Variants in ABCA6 observed in about 807,000 individuals in gnomAD.
ABCA6 encodes the protein ATP binding cassette subfamily A member 6, also known as ATP-binding cassette sub-family A member 6.
ABCA6 carries 164 observed loss-of-function variants against 191.2 expected under a neutral mutation model. The ratio of observed to expected loss-of-function variants is 0.86; its 90% CI spans 0.76 to 0.98. ABCA6 has a LOEUF of 0.98. ABCA6 is among the 50% of genes least tolerant of loss of function. The pLI is 0.00. For missense variants in ABCA6, 1,958 were observed against 1,894.1 expected, an observed-to-expected ratio of 1.03 and a Z score of -0.63; for synonymous variants, 636 against 647.7, an observed-to-expected ratio of 0.98 and a Z score of 0.27.
chr17:69,089,688 C>T, intron 26 of ABCA6, 146 bp from the exon 27 acceptor site: 2 of 637,606 alleles, frequency 3.1e-6, no homozygotes, highest in Non-Finnish European at 2.6e-6. Context: ...AGTAATTCCC[C>T]ACAGAAAAGA....
Position 69,082,010 on chromosome 17 carries a change from G to A in ABCA6, c.4616+863C>T, listed in dbSNP as rs192360290. 2.8e-3 allele frequency among the ~76,000 whole-genome samples: 423 copies of A among 152,234 alleles called. 2 individuals carry two copies. Among genetic ancestry groups the A allele is most frequent in the African/African-American group, 9.9e-3 (412 of 41,502 alleles). ...CCCAAACAGGGGTTTGGTGCTCCCA[G>A]GTGGCACTAAGGTTGACCAGATGTC... On this transcript the variant is annotated intron_variant, in intron 36 of 38. Transcript: ENST00000284425.
rs541269687 is a variant in ABCA6 at position 69,099,390 on chromosome 17, T to C, written c.3013-1363A>G. Among the ~76,000 whole-genome samples the C allele has an allele frequency of 3.9e-5, 6 of 152,216 alleles. No individual in the cohort carries two copies. In the South Asian group the frequency reaches 1.2e-3, roughly 32 times the overall value. On this transcript the variant is annotated intron_variant, in intron 22 of 38. Transcript: ENST00000284425. ...GTGGGAGTGGGGAACAGGTTTCTAA[T>C]AGAGTAGCTATGGGCTTCAGTCCAT...
intron 6 of ABCA6, among the ~76,000 whole-genome samples, chr17:69,132,230 T>C (rs1194128408): frequency 6.6e-6 from 1 of 151,876 alleles, no homozygotes; most frequent in African/African-American, 2.4e-5. Flanking sequence ...CCATAAAGAG[T>C]ATTTGCTTGA....
intron 22 of ABCA6, chr17:69,098,457 C>T (rs1328103143): frequency 1.3e-5 from 2 of 152,870 alleles, no homozygotes; most frequent in African/African-American, 4.8e-5. Context: ...GAAACCCCAT[C>T]TCTACTAAAA....
At chr17:69,098,053 C>G in intron 22 of ABCA6, 26 bp from the exon 23 acceptor site, 1 of 1,480,100 alleles carries the variant, frequency 6.8e-7, no homozygotes, top group Non-Finnish European at 9.2e-7. Context: ...GTAGCTTAAA[C>G]TAGTGAATAT....
At chr17:69,111,181 A>G (rs991114592) in intron 16 of ABCA6, 1 of 321,808 alleles carries the variant, frequency 3.1e-6, no homozygotes, top group Non-Finnish European at 5.6e-6. Flanking sequence ...TGTAAATGGA[A>G]CTATATAGAG....
At chr17:69,111,060 G>T in intron 16 of ABCA6, 120 bp from the exon 17 acceptor site, 1 of 908,210 alleles carries the variant, frequency 1.1e-6, no homozygotes, top group Non-Finnish European at 1.6e-6. Flanking sequence ...GGAACAAAAA[G>T]ATGAGTAAAT....
intron 25 of ABCA6, among the ~76,000 whole-genome samples, chr17:69,093,888 T>C (rs2072988904): frequency 6.6e-6 from 1 of 152,228 alleles, no homozygotes; most frequent in African/African-American, 2.4e-5. Flanking sequence ...ATTACAAATA[T>C]ATAAATACAT....
intron 23 of ABCA6, among the ~76,000 whole-genome samples, chr17:69,097,210 G>C (rs1386654783): frequency 4.6e-5 from 7 of 152,112 alleles, no homozygotes; most frequent in Non-Finnish European, 1.0e-4. Flanking sequence ...GGCTAACATG[G>C]TGAAAGCCCA....
chr17:69,115,241 G>C, intron 12 of ABCA6, 135 bp downstream of exon 12: 1 of 598,552 alleles, frequency 1.7e-6, no homozygotes, highest in Non-Finnish European at 2.7e-6. Context: ...TCAAAATTAT[G>C]TAGCTCTTGG....
At chr17:69,130,058 G>A (rs1598058086) in intron 6 of ABCA6, among the ~76,000 whole-genome samples, 1 of 152,094 alleles carries the variant, frequency 6.6e-6, no homozygotes, top group Non-Finnish European at 1.5e-5. Context: ...GCTCATGCCT[G>A]TAATTTCAGC....
At chr17:69,113,496 T>C (rs772672949) in intron 14 of ABCA6, 122 bp downstream of exon 14, 156 of 1,541,488 alleles carry the variant, frequency 1.0e-4, no homozygotes, top group Non-Finnish European at 1.2e-4. Flanking sequence ...TATTTATAGT[T>C]AAACATAGCA....
At chr17:69,136,992 C>T (rs534977119) in intron 3 of ABCA6, among the ~76,000 whole-genome samples, 1 of 152,046 alleles carries the variant, frequency 6.6e-6, no homozygotes, top group Admixed American at 6.6e-5. Context: ...TAAAAACACA[C>T]ACAATTTTCA....
chr17:69,106,550 A>C (rs1429776398), intron 18 of ABCA6, among the ~76,000 whole-genome samples: 2 of 135,990 alleles, frequency 1.5e-5, no homozygotes, highest in Admixed American at 8.5e-5. Flanking sequence ...CCGAGATTGC[A>C]CCACTGCACT....
intron 24 of ABCA6, 84 bp from the exon 25 acceptor site, chr17:69,096,437 T>C (rs2073047328): frequency 4.7e-6 from 4 of 859,890 alleles, no homozygotes; most frequent in East Asian, 3.0e-5. Flanking sequence ...AAAAAACAAG[T>C]AACCTGGCAT....
At chr17:69,102,993 G>A in intron 20 of ABCA6, 25 bp from the exon 21 acceptor site, 4 of 1,376,272 alleles carry the variant, frequency 2.9e-6, no homozygotes, top group Non-Finnish European at 4.0e-6. Flanking sequence ...ATAAGAGAAG[G>A]CCATAGAAAA....
At position 69,136,243 on chromosome 17, in the gene ABCA6, A is replaced by C. The variant is rs2073946856; in HGVS notation, c.309T>G (p.Ser103Arg). Residue 103 changes from serine (S) to arginine (R), a missense_variant, in exon 4 of 39, where the codon AGT becomes AGG. Transcript: ENST00000284425. ...GTGTTTTATTTGGTGCCCCAATGAC[A>C]CTTGTTCCTGTGAATTACAAGGTAA... is the stretch of plus-strand genomic sequence containing the variant. The part of the protein sequence containing the change: ...TALAPLLKGT[S>R]VIGAPNKTHM... 6.5e-7 allele frequency: 1 copy of C among 1,544,300 alleles called. No individual in the cohort carries two copies. Among genetic ancestry groups the C allele is most frequent in the East Asian group, 2.3e-5 (1 of 43,438 alleles).
chr17:69,122,670 G>A (rs2073671470), intron 10 of ABCA6, among the ~76,000 whole-genome samples: 1 of 151,818 alleles, frequency 6.6e-6, no homozygotes, highest in Admixed American at 6.6e-5. Flanking sequence ...TGGAGAGAGG[G>A]GTTCACAGAA....
chr17:69,128,237 T>C (rs543407167), intron 8 of ABCA6, among the ~76,000 whole-genome samples: 2 of 152,212 alleles, frequency 1.3e-5, no homozygotes, highest in East Asian at 3.9e-4. Flanking sequence ...ACTATACTTG[T>C]GTTTGGAAAG....
Sources: allele counts gnomAD v4.1 joint callset (sites outside exome capture counted in the v4.1 genomes callset), GRCh38; gene constraint gnomAD v4.1.1; transcripts MANE v1.5; gene names NCBI Gene and HGNC (gene_info 2026-07-23, HGNC 2026-07-21).